The following LIPA variants were observed in gnomAD, a reference collection of about 807,000 sequenced individuals.
LIPA encodes lipase A, lysosomal acid type.
In LIPA, 26 loss-of-function variants were observed where a neutral mutation model predicts 40.6. That is an observed-to-expected ratio of 0.64 (90% CI 0.47 to 0.89). The LOEUF is 0.89. LIPA is among the 40% of genes least tolerant of loss of function. The probability of loss-of-function intolerance (pLI) is 0.00; values close to 1 mark genes in which losing one functional copy is unlikely to be tolerated. For synonymous variants in LIPA, 188 were observed against 168.4 expected (o/e 1.12, Z -0.90); for missense variants, 455 against 479.6 (o/e 0.95, Z 0.48).
upstream of LIPA, among the ~76,000 whole-genome samples, chr10:89,344,682 A>G (rs543101956): frequency 3.3e-5 from 5 of 152,048 alleles, no homozygotes; most frequent in Admixed American, 2.0e-4. Flanking sequence ...GCTCCCATGC[A>G]CCTAACAAAA....
intron 1 of LIPA, among the ~76,000 whole-genome samples, chr10:89,264,911 C>T (rs982819519): frequency 7.2e-5 from 11 of 152,178 alleles, no homozygotes; most frequent in African/African-American, 1.2e-4. Context: ...GTGTCATCCA[C>T]GGCCCCTGGG....
intron 1 of LIPA, among the ~76,000 whole-genome samples, chr10:89,269,267 T>C (rs1359727886): frequency 6.6e-6 from 1 of 152,090 alleles, no homozygotes; most frequent in African/African-American, 2.4e-5. Flanking sequence ...GAGGCAGAGG[T>C]TGCAGTGAGC....
chr10:89,258,378 T>G (rs1025710783), intron 1 of LIPA, among the ~76,000 whole-genome samples: 1 of 152,182 alleles, frequency 6.6e-6, no homozygotes. Context: ...TTGTCAAAGA[T>G]TGTTTAAATA....
intron 1 of LIPA, among the ~76,000 whole-genome samples, chr10:89,325,052 T>C (rs910661790): frequency 6.6e-6 from 1 of 151,564 alleles, no homozygotes; most frequent in Admixed American, 6.6e-5. Flanking sequence ...TAAAGTATAA[T>C]AATAAAAAAA....
intron 1 of LIPA, among the ~76,000 whole-genome samples, chr10:89,271,976 G>A (rs1286230407): frequency 6.6e-6 from 1 of 152,070 alleles, no homozygotes; most frequent in Non-Finnish European, 1.5e-5. Flanking sequence ...AGGCTGCAGT[G>A]GGAGGATCAC....
chr10:89,408,044 G>A (rs999085565), intron 2 of LIPA, among the ~76,000 whole-genome samples: 33 of 151,366 alleles, frequency 2.2e-4, no homozygotes, highest in Admixed American at 1.6e-3. Flanking sequence ...AGACCATTGC[G>A]GGTTCTTGGG....
intron 1 of LIPA, among the ~76,000 whole-genome samples, chr10:89,273,898 G>T (rs1392759069): frequency 1.3e-5 from 2 of 152,142 alleles, no homozygotes; most frequent in Admixed American, 6.6e-5. Flanking sequence ...TGTAAATAAA[G>T]TTTTATTGGA....
intron 1 of LIPA, among the ~76,000 whole-genome samples, chr10:89,278,999 G>T (rs1731544615): frequency 6.6e-6 from 1 of 152,076 alleles, no homozygotes; most frequent in Non-Finnish European, 1.5e-5. Context: ...ACCAACAATT[G>T]CTTGTAGCTA....
At chr10:89,247,687 T>C in intron 1 of LIPA, 38 bp from the exon 2 acceptor site, 1 of 1,396,576 alleles carries the variant, frequency 7.2e-7, no homozygotes, top group Non-Finnish European at 1.0e-6. Context: ...TTGCTTGAAT[T>C]TTACTACACA....
At chr10:89,355,463 G>A (rs1319701025) in intron 2 of LIPA, among the ~76,000 whole-genome samples, 1 of 152,200 alleles carries the variant, frequency 6.6e-6, no homozygotes, top group Non-Finnish European at 1.5e-5. Flanking sequence ...GAGAAATAAA[G>A]CTCTCCTTTC....
chr10:89,216,235 C>T (rs1280487636), intron 8 of LIPA, among the ~76,000 whole-genome samples: 1 of 151,936 alleles, frequency 6.6e-6, no homozygotes, highest in Non-Finnish European at 1.5e-5. Flanking sequence ...CCACCTGACA[C>T]AAGAAAGCAG....
At chr10:89,233,343 G>A (rs950179521) in intron 3 of LIPA, among the ~76,000 whole-genome samples, 11 of 152,220 alleles carry the variant, frequency 7.2e-5, no homozygotes, top group Non-Finnish European at 2.9e-5. Context: ...GGCAGATGAG[G>A]AAAAGGGCTG....
intron 7 of LIPA, 128 bp downstream of exon 7, chr10:89,223,556 G>A (rs1842727412): frequency 2.4e-6 from 2 of 823,908 alleles, no homozygotes; most frequent in South Asian, 3.1e-5. Flanking sequence ...GTTCATGCTT[G>A]TGCCTCTCAA....
rs570998402 is a variant in LIPA at position 89,213,758 on chromosome 10, G to C, written c.*1070C>G. On this transcript the variant is annotated 3_prime_UTR_variant, in exon 10 of 10. Coordinates refer to ENST00000336233, the MANE Select transcript of LIPA (RefSeq NM_000235.4). ...CCGGACAGTATTGTAAGGAAATGATGCTGCAAGAAAAGCAGACAAATATGG... is the reference window on the plus strand; with the variant it reads ...CCGGACAGTATTGTAAGGAAATGATCCTGCAAGAAAAGCAGACAAATATGG... 3.6e-4 allele frequency: 55 copies of C among 152,326 alleles called. No homozygotes were observed. The highest frequency in any genetic ancestry group is 1.2e-3 in the African/African-American group (51 of 41,568). The allele number at this position is 152,326 out of a possible 1,614,324, so 9.4% of individuals were successfully genotyped here. A position where few individuals can be genotyped will look rare whatever the true frequency, so the allele number is the denominator to read the frequency against.
chr10:89,402,759 G>A (rs149964072), intron 2 of LIPA: 27 of 1,614,102 alleles, frequency 1.7e-5, no homozygotes, highest in Non-Finnish European at 2.2e-5. Context: ...ACGGGCCAAG[G>A]CCTGCTTTGA....
In LIPA at chr10:89,225,233, G is replaced by T. The variant is rs2297472; in HGVS notation, c.539-5C>A. The T allele has an allele frequency of 3.5e-5, 56 of 1,613,898 alleles. 1 individual carries two copies. In the Admixed American group the frequency reaches 8.8e-4, roughly 25 times the overall value. ...TCTGTGAAAATGCTATAAAACCTGTGAGAACAAAGGACAGAAAACAGGAAT... is the reference window on the plus strand; with the variant it reads ...TCTGTGAAAATGCTATAAAACCTGTTAGAACAAAGGACAGAAAACAGGAAT... On this transcript the variant is annotated splice_polypyrimidine_tract_variant and splice_region_variant and intron_variant, in intron 5 of 9. Coordinates refer to ENST00000336233, the MANE Select transcript of LIPA (RefSeq NM_000235.4).
intron 2 of LIPA, chr10:89,403,873 T>C (rs1300641875): frequency 8.8e-6 from 5 of 567,518 alleles, no homozygotes; most frequent in Admixed American, 7.1e-5. Context: ...CAACAATTAG[T>C]GAAACAGAAT....
At chr10:89,247,457 TG>T in intron 2 of LIPA, 80 bp downstream of exon 2, 1 of 769,306 alleles carries the variant, frequency 1.3e-6, no homozygotes, top group Non-Finnish European at 2.3e-6. Flanking sequence ...GATGAATGTA[TG>T]GGTATGGCTT....
intron 8 of LIPA, among the ~76,000 whole-genome samples, chr10:89,219,447 G>A (rs572174240): frequency 7.9e-5 from 12 of 152,146 alleles, no homozygotes; most frequent in Non-Finnish European, 1.5e-4. Context: ...AAATTCATCA[G>A]GTTTATAAGG....
Sources: gnomAD v4.1 joint callset for allele counts (sites outside exome capture counted in the v4.1 genomes callset) on GRCh38, gnomAD v4.1.1 for gene constraint, MANE v1.5 for transcripts, NCBI Gene and HGNC (gene_info 2026-07-23, HGNC 2026-07-21) for gene names.